ZNF468: variants seen among roughly 807,000 people sequenced by gnomAD.
ZNF468 encodes the protein zinc finger protein ZNF468.
ZNF468 carries 8 observed loss-of-function variants against 7.2 expected under a neutral mutation model. The observed-to-expected ratio is 1.11, with a 90% CI of 0.65 to 2.01. The LOEUF (loss-of-function observed/expected upper bound fraction) is 2.01. ZNF468 is among the 30% of genes most tolerant of loss of function. The pLI is 0.00. For synonymous variants in ZNF468, 218 were observed against 214.4 expected, an observed-to-expected ratio of 1.02 and a Z score of -0.15; for missense variants, 608 against 626.5, an observed-to-expected ratio of 0.97 and a Z score of 0.31.
intron 1 of ZNF468, among the ~76,000 whole-genome samples, chr19:52,856,766 C>G (rs1245173276): frequency 6.6e-6 from 1 of 151,394 alleles, no homozygotes; most frequent in Non-Finnish European, 1.5e-5. Flanking sequence ...CTCCTGCTTT[C>G]TTATCTTTTA....
rs189864341 is a variant in ZNF468 at position 52,841,591 on chromosome 19, T to C, written c.703A>G (p.Ile235Val). The stretch of plus-strand genomic sequence containing the variant: ...CATTGTTTCTCTTCTAAGTGAATTA[T>C]CTGATGTTTTTTTAAGAGTGAGCTG... Reference protein sequence around the residue: ...NCSSLLKKHQIIHLEEKQCKC... With the variant: ...NCSSLLKKHQVIHLEEKQCKC... The change falls in exon 4 of 4, where the codon ATA becomes GTA. Residue 235 changes from isoleucine (I) to valine (V), a missense_variant. Transcript: ENST00000595646. 39 of 1,614,106 alleles carry C rather than the reference T, an allele frequency of 2.4e-5. No homozygotes were observed. The Admixed American group carries it at 3.2e-4, about 13-fold the overall frequency.
At chr19:52,842,574 A>G in intron 3 of ZNF468, among the ~76,000 whole-genome samples, 1 of 98,410 alleles carries the variant, frequency 1.0e-5, no homozygotes, top group African/African-American at 4.9e-5. Context: ...TAAATAATCC[A>G]CAACAAGCTC....
chr19:52,853,881 C>T (rs1036251150), intron 2 of ZNF468: 68 of 1,258,650 alleles, frequency 5.4e-5, no homozygotes, highest in Non-Finnish European at 6.5e-5. Flanking sequence ...CCACGTACTT[C>T]GTGCATATTA....
At chr19:52,849,887 A>G (rs2147738643) in intron 2 of ZNF468, among the ~76,000 whole-genome samples, 1 of 152,252 alleles carries the variant, frequency 6.6e-6, no homozygotes, top group South Asian at 2.1e-4. Flanking sequence ...TGGGCAACAA[A>G]GCAAGACCCC....
At chr19:52,853,489 G>A (rs2063408006) in intron 2 of ZNF468, among the ~76,000 whole-genome samples, 6 of 152,104 alleles carry the variant, frequency 3.9e-5, no homozygotes, top group Admixed American at 3.9e-4. Context: ...AGGAGGTTGA[G>A]GCCAGCCTGG....
chr19:52,840,680 C>T lies in ZNF468; in HGVS notation c.*45G>A, dbSNP rs1350724360. On this transcript the variant is annotated 3_prime_UTR_variant, in exon 4 of 4. Coordinates refer to ENST00000595646, the MANE Select transcript of ZNF468 (RefSeq NM_001008801.2). ...CCAGTATGAATTGCCTTATGACTTACAGGGTTGAATTGTGATGGAAGGTCT... is the reference window on the plus strand; with the variant it reads ...CCAGTATGAATTGCCTTATGACTTATAGGGTTGAATTGTGATGGAAGGTCT... 3.7e-6 allele frequency: 6 copies of T among 1,612,038 alleles called. No homozygotes were observed. Among genetic ancestry groups the T allele is most frequent in the Admixed American group, 3.3e-5 (2 of 59,916 alleles).
intron 3 of ZNF468, among the ~76,000 whole-genome samples, chr19:52,843,601 T>C (rs1275232355): frequency 6.6e-6 from 1 of 152,126 alleles, no homozygotes; most frequent in Non-Finnish European, 1.5e-5. Flanking sequence ...CACTCATATA[T>C]AAATTCATAA....
In ZNF468 at chr19:52,840,232, G is replaced by T; in HGVS notation, c.*493C>A. Reference sequence around the variant, plus strand: ...GATTTCTATGCAGTATGAAGTCTATGATGACTTGCAAGGTGTGATTGTTGA... The same window carrying T: ...GATTTCTATGCAGTATGAAGTCTATTATGACTTGCAAGGTGTGATTGTTGA... On this transcript the variant is annotated 3_prime_UTR_variant, in exon 4 of 4. Transcript: ENST00000595646. The T allele has an allele frequency of 2.5e-6, 1 of 395,214 alleles. No individual in the cohort carries two copies. The highest frequency in any genetic ancestry group is 3.7e-5 in the Admixed American group (1 of 27,080). The allele number at this position is 395,214 out of a possible 1,614,324, so 24.5% of individuals were successfully genotyped here.
rs1292334069 is a variant in ZNF468, at chr19:52,841,609, G to C, written c.685C>G (p.Leu229Val). 3 of 1,613,860 alleles carry C rather than the reference G, an allele frequency of 1.9e-6. No individual in the cohort carries two copies. The African/African-American group carries it at 4.0e-5, about 22-fold the overall frequency. The change falls in exon 4 of 4, where the codon CTC becomes GTC. Residue 229 changes from leucine (L) to valine (V), a missense_variant. Physicochemically the swap from Leu to Val is conservative, Grantham distance 32. Transcript: ENST00000595646. ...TGAATTATCTGATGTTTTTTTAAGA[G>C]TGAGCTGCAATTAAAGGATTTGAAG... The part of the protein sequence containing the change: ...QSFKSFNCSS[L>V]LKKHQIIHLE...
intron 2 of ZNF468, among the ~76,000 whole-genome samples, chr19:52,849,833 G>A (rs2147738535): frequency 6.6e-6 from 1 of 152,148 alleles, no homozygotes; most frequent in East Asian, 1.9e-4. Context: ...GACCCTGAGG[G>A]TGGAGGTTGC....
intron 3 of ZNF468, among the ~76,000 whole-genome samples, chr19:52,843,477 CAT>C (rs967336217): frequency 2.0e-5 from 3 of 152,102 alleles, no homozygotes; most frequent in African/African-American, 7.2e-5. Flanking sequence ...AGGTGATCCA[CAT>C]GTCTTGGCCT....
At chr19:52,844,891 C>T (rs2063330690) in intron 3 of ZNF468, among the ~76,000 whole-genome samples, 1 of 152,092 alleles carries the variant, frequency 6.6e-6, no homozygotes, top group African/African-American at 2.4e-5. Context: ...GGAACAGGAG[C>T]ATCTCATCAT....
At chr19:52,854,397 C>G in intron 1 of ZNF468, 52 bp from the exon 2 acceptor site, 1 of 1,523,420 alleles carries the variant, frequency 6.6e-7, no homozygotes, top group Non-Finnish European at 9.0e-7. Flanking sequence ...CACCCCCTCC[C>G]TTAACACAAT....
chr19:52,856,651 C>T (rs1299402129), intron 1 of ZNF468, among the ~76,000 whole-genome samples: 2 of 141,048 alleles, frequency 1.4e-5, no homozygotes, highest in East Asian at 3.9e-4. Flanking sequence ...TCCTCCTCTC[C>T]CTCACTCTGA....
In ZNF468 at chr19:52,841,523, G is replaced by A. The variant is rs377446855; in HGVS notation, c.771C>T (p.Tyr257=). 1 of 1,614,124 alleles carries A rather than the reference G, an allele frequency of 6.2e-7. No individual in the cohort carries two copies. The highest frequency in any genetic ancestry group is 8.5e-7 in the Non-Finnish European group (1 of 1,180,024). Residue 257 remains tyrosine, a synonymous_variant, in exon 4 of 4, where the codon TAC becomes TAT. Transcript: ENST00000595646. The part of the protein sequence containing the change: ...VCGKVFNQKR[Y]LACHRRCHTG... The stretch of plus-strand genomic sequence containing the variant: ...TGTGACATCTACGATGGCAGGCAAG[G>A]TATCGCTTCTGATTAAAGACCTTGC...
chr19:52,840,948 TG>T lies in ZNF468; in HGVS notation c.1345del (p.Gln449ArgfsTer35), dbSNP rs1357145655. ...YKCKVCDKAF[Q>X]RDSHLAQHQR... ...ATGTTGTGCCAGGTGTGAATCCCTC[TG>T]GAAAGCCTTGTCACAAACCTTACAT... On this transcript the variant is annotated frameshift_variant, in exon 4 of 4. Transcript: ENST00000595646. LOFTEE classifies it low-confidence loss of function (END_TRUNC). 6.2e-7 allele frequency: 1 copy of T among 1,613,804 alleles called. No homozygotes were observed. Among genetic ancestry groups the T allele is most frequent in the Non-Finnish European group, 8.5e-7 (1 of 1,179,936 alleles).
Position 52,839,678 on chromosome 19 carries a change from C to G in ZNF468, c.*1047G>C. On this transcript the variant is annotated 3_prime_UTR_variant, in exon 4 of 4. Transcript: ENST00000595646. ...TAATGAGGTGTGAATGTGAAGTAAA[C>G]GCTTTGCCACAATCATCACACTTGT... 1.8e-6 allele frequency: 1 copy of G among 544,006 alleles called. No homozygotes were observed. Among genetic ancestry groups the G allele is most frequent in the Non-Finnish European group, 3.7e-6 (1 of 268,444 alleles). The allele number at this position is 544,006 out of a possible 1,614,324, so 33.7% of individuals were successfully genotyped here. A position where few individuals can be genotyped will look rare whatever the true frequency, so the allele number is the denominator to read the frequency against.
At chr19:52,843,094 CTGGACAACAGAG>C (rs2063318486) in intron 3 of ZNF468, among the ~76,000 whole-genome samples, 1 of 139,822 alleles carries the variant, frequency 7.2e-6, no homozygotes, top group Non-Finnish European at 1.5e-5. Context: ...TTGCTCCACC[CTGGACAACAGAG>C]TGAGACTCTG....
intron 3 of ZNF468, among the ~76,000 whole-genome samples, chr19:52,846,328 A>T (rs111859649): frequency 0.093 from 14,103 of 151,876 alleles, 667 homozygotes; most frequent in African/African-American, 0.11. Flanking sequence ...GCCTCCTGAG[A>T]AGCTGGGATT....
Sources: allele counts gnomAD v4.1 joint callset (sites outside exome capture counted in the v4.1 genomes callset), GRCh38; gene constraint gnomAD v4.1.1; transcripts MANE v1.5; gene names NCBI Gene and HGNC (gene_info 2026-07-23, HGNC 2026-07-21).